ASTN2: variants seen among roughly 807,000 people sequenced by gnomAD.
The protein encoded by ASTN2 is astrotactin 2.
In ASTN2, 54 loss-of-function variants were observed where a neutral mutation model predicts 139.8. That is an observed-to-expected ratio of 0.39 (90% CI 0.31 to 0.48). The LOEUF (loss-of-function observed/expected upper bound fraction) is 0.48, where lower values mean the gene tolerates loss of function less well. Ranked by LOEUF, ASTN2 falls within the 20% of genes least tolerant of loss-of-function variation. ASTN2 has a pLI of 0.95. For missense variants in ASTN2, 1,565 were observed against 1,725.1 expected (o/e 0.91, Z 1.64); for synonymous variants, 756 against 719.5 (o/e 1.05, Z -0.81).
chr9:117,366,608 C>A (rs149997469), intron 1 of ASTN2, among the ~76,000 whole-genome samples: 22 of 152,084 alleles, frequency 1.4e-4, no homozygotes, highest in African/African-American at 5.3e-4. Context: ...CTATGAGTAC[C>A]CAATTTTTCC....
intron 5 of ASTN2, among the ~76,000 whole-genome samples, chr9:117,083,315 T>G (rs2132728559): frequency 6.6e-6 from 1 of 152,334 alleles, no homozygotes; most frequent in African/African-American, 2.4e-5. Flanking sequence ...TTCACATACC[T>G]TATATTTTAA....
chr9:117,310,782 A>T (rs936545137), intron 1 of ASTN2, among the ~76,000 whole-genome samples: 6 of 151,966 alleles, frequency 3.9e-5, no homozygotes, highest in African/African-American at 1.5e-4. Flanking sequence ...GCGCCACCAC[A>T]CCCAGATAAT....
intron 16 of ASTN2, among the ~76,000 whole-genome samples, chr9:116,662,019 GA>G (rs954285609): frequency 9.4e-5 from 14 of 149,148 alleles, no homozygotes; most frequent in East Asian, 5.9e-4. Flanking sequence ...AAAAAAAAAA[GA>G]AAAAAATATA....
chr9:117,194,874 C>A (rs1042576719), intron 3 of ASTN2, among the ~76,000 whole-genome samples: 1 of 152,158 alleles, frequency 6.6e-6, no homozygotes, highest in African/African-American at 2.4e-5. Context: ...AAATGCTAAA[C>A]AAGATTTGTC....
At chr9:117,117,344 G>C (rs181504941) in intron 4 of ASTN2, among the ~76,000 whole-genome samples, 34 of 147,850 alleles carry the variant, frequency 2.3e-4, no homozygotes, top group African/African-American at 8.0e-4. Flanking sequence ...ACAGCTCTGG[G>C]AGATGGGAAA....
chr9:117,386,010 C>T (rs1398994716), intron 1 of ASTN2, among the ~76,000 whole-genome samples: 2 of 152,016 alleles, frequency 1.3e-5, no homozygotes, highest in African/African-American at 4.8e-5. Flanking sequence ...CCAGGAAGGC[C>T]CAGTGCTCAG....
chr9:116,550,175 A>G (rs1314787524), intron 19 of ASTN2, among the ~76,000 whole-genome samples: 2 of 152,186 alleles, frequency 1.3e-5, no homozygotes, highest in Middle Eastern at 3.2e-3. Context: ...TTTATCTCAG[A>G]CCACAAAATT....
intron 10 of ASTN2, among the ~76,000 whole-genome samples, chr9:116,973,630 CT>C (rs1588451308): frequency 6.6e-6 from 1 of 152,270 alleles, no homozygotes; most frequent in East Asian, 1.9e-4. Context: ...TGAGAATAGT[CT>C]TTTAAACCAG....
chr9:116,438,322 C>T (rs1287615837), intron 22 of ASTN2, among the ~76,000 whole-genome samples: 2 of 152,160 alleles, frequency 1.3e-5, no homozygotes, highest in Non-Finnish European at 2.9e-5. Flanking sequence ...GTGAAAAACA[C>T]TTCAAAAGCT....
At chr9:116,469,201 G>A (rs1369861892) in intron 20 of ASTN2, among the ~76,000 whole-genome samples, 2 of 152,122 alleles carry the variant, frequency 1.3e-5, no homozygotes, top group East Asian at 1.9e-4. Flanking sequence ...TTAATAGGGA[G>A]GGTGTCACAT....
At chr9:117,037,638 T>C (rs1000108935) in intron 6 of ASTN2, among the ~76,000 whole-genome samples, 3 of 152,298 alleles carry the variant, frequency 2.0e-5, no homozygotes. Flanking sequence ...CATTTCTACA[T>C]GTATGAAAAT....
intron 11 of ASTN2, among the ~76,000 whole-genome samples, chr9:116,833,173 T>C (rs1050006778): frequency 6.6e-6 from 1 of 152,116 alleles, no homozygotes; most frequent in African/African-American, 2.4e-5. Context: ...TTCATCTAAT[T>C]CATCAAGTTT....
At chr9:116,847,029 AAAAAC>A (rs1161135660) in intron 11 of ASTN2, among the ~76,000 whole-genome samples, 35 of 142,832 alleles carry the variant, frequency 2.5e-4, no homozygotes, top group East Asian at 2.0e-3. Flanking sequence ...AAAAAAAACA[AAAAAC>A]AAAAAACAAA....
At position 117,270,380 on chromosome 9, in the gene ASTN2, T is replaced by C. The variant is rs377354298; in HGVS notation, c.630+20946A>G. Among the ~76,000 whole-genome samples, 16 of 152,320 alleles carry C rather than the reference T, an allele frequency of 1.1e-4. No homozygotes were observed. The East Asian group carries it at 1.9e-3, about 18-fold the overall frequency. ...TAGTCTCTGGAAATCACCACTCCAC[T>C]GGTTGATGTTATGAATTTAACTACT... On this transcript the variant is annotated intron_variant, in intron 2 of 22. Coordinates refer to ENST00000313400, the MANE Select transcript of ASTN2 (RefSeq NM_001365068.1).
intron 10 of ASTN2, among the ~76,000 whole-genome samples, chr9:116,961,534 A>G (rs1835875673): frequency 1.3e-5 from 2 of 152,186 alleles, no homozygotes; most frequent in African/African-American, 4.8e-5. Context: ...TCTATGTTGT[A>G]GCATATGTCA....
chr9:116,603,202 G>A (rs1336163990), intron 19 of ASTN2, among the ~76,000 whole-genome samples: 2 of 152,122 alleles, frequency 1.3e-5, no homozygotes. Context: ...ATGAACCATG[G>A]ACTCTACCAT....
At chr9:116,748,527 GTATT>G (rs1829312252) in intron 13 of ASTN2, among the ~76,000 whole-genome samples, 1 of 152,160 alleles carries the variant, frequency 6.6e-6, no homozygotes, top group East Asian at 1.9e-4. Flanking sequence ...AGTATTCAGA[GTATT>G]TTCTAATCTT....
At chr9:116,785,176 G>A (rs1830337407) in intron 13 of ASTN2, among the ~76,000 whole-genome samples, 1 of 152,154 alleles carries the variant, frequency 6.6e-6, no homozygotes, top group Non-Finnish European at 1.5e-5. Context: ...TGCTGCCTGG[G>A]TCTCTTCTTG....
At chr9:116,899,062 G>A (rs1482197951) in intron 10 of ASTN2, among the ~76,000 whole-genome samples, 4 of 152,134 alleles carry the variant, frequency 2.6e-5, no homozygotes, top group Non-Finnish European at 5.9e-5. Context: ...GTATTAACAA[G>A]GTTTTGATGT....
Sources: gnomAD v4.1 joint callset for allele counts (sites outside exome capture counted in the v4.1 genomes callset) on GRCh38, gnomAD v4.1.1 for gene constraint, MANE v1.5 for transcripts, NCBI Gene and HGNC (gene_info 2026-07-23, HGNC 2026-07-21) for gene names.